Variants in DNAI7 observed in about 807,000 individuals in gnomAD.
DNAI7 encodes cancer susceptibility 1.
DNAI7 carries 78 observed loss-of-function variants against 86.6 expected under a neutral mutation model. That is an observed-to-expected ratio of 0.90 (90% CI 0.75 to 1.09). DNAI7 has a LOEUF of 1.09. Ranked by LOEUF, DNAI7 falls within the 50% of genes least tolerant of loss-of-function variation. The pLI is 0.00. For synonymous variants in DNAI7, 274 were observed against 273.0 expected (o/e 1.00, Z -0.04); for missense variants, 753 against 810.2 (o/e 0.93, Z 0.86).
intron 2 of DNAI7, among the ~76,000 whole-genome samples, chr12:25,182,137 T>C (rs1345752588): frequency 6.6e-6 from 1 of 151,136 alleles, no homozygotes; most frequent in Non-Finnish European, 1.5e-5. Flanking sequence ...CACCTGAGGT[T>C]GGGAGGTTGA....
chr12:25,190,701 G>T, intron 1 of DNAI7, 70 bp from the exon 2 acceptor site: 2 of 864,138 alleles, frequency 2.3e-6, no homozygotes, highest in South Asian at 2.1e-5. Flanking sequence ...TCATGATTAT[G>T]TAAGATGTTA....
At chr12:25,194,741 A>G (rs1950879925) in intron 1 of DNAI7, 3 of 746,446 alleles carry the variant, frequency 4.0e-6, no homozygotes, top group Admixed American at 5.7e-5. Context: ...CCAAGTTGCA[A>G]TAAGAAAATT....
intron 2 of DNAI7, among the ~76,000 whole-genome samples, chr12:25,172,696 C>A (rs1948269792): frequency 6.6e-6 from 1 of 152,112 alleles, no homozygotes; most frequent in Non-Finnish European, 1.5e-5. Flanking sequence ...TAGCTGATTT[C>A]AAACTATACT....
Position 25,108,687 on chromosome 12 carries a change from T to C in DNAI7, c.2030A>G (p.Glu677Gly), listed in dbSNP as rs1245251993. The C allele has an allele frequency of 8.1e-6, 13 of 1,613,598 alleles. No individual in the cohort carries two copies. The highest frequency in any genetic ancestry group is 1.7e-5 in the Admixed American group (1 of 59,964). Residue 677 changes from glutamate to glycine, a missense_variant, in exon 16 of 16, where the codon GAG becomes GGG. Glu to Gly is a moderately conservative substitution (Grantham distance 98). Transcript: ENST00000395987. The stretch of plus-strand genomic sequence containing the variant: ...CATGTGATATAAAGTAGAATGAAAC[T>C]CAGTTTCTTCTTTAAGTGCTTCAGA... ...AFSEALKEETEFHSTLYHMVK... is the reference protein window; with the variant it reads ...AFSEALKEETGFHSTLYHMVK...
intron 2 of DNAI7, among the ~76,000 whole-genome samples, chr12:25,172,465 A>C (rs992185801): frequency 6.6e-6 from 1 of 152,200 alleles, no homozygotes; most frequent in Admixed American, 6.5e-5. Context: ...ACACAAACAA[A>C]TGGAAACACA....
At position 25,119,177 on chromosome 12, in the gene DNAI7, T is replaced by C; in HGVS notation, c.1364A>G (p.Glu455Gly). Residue 455 changes from glutamate (E) to glycine (G), a missense_variant, in exon 12 of 16, where the codon GAG becomes GGG. Glu to Gly is a moderately conservative substitution (Grantham distance 98). Transcript: ENST00000395987. ...ATCCCACCTTACAACCACAGGATCC[T>C]CAAAAAAGATTACATTCTCATGAAC... ...LEVHENVIFFEDPVVVRWDAE... is the reference protein window; with the variant it reads ...LEVHENVIFFGDPVVVRWDAE... 6.2e-7 allele frequency: 1 copy of C among 1,610,248 alleles called. No homozygotes were observed. Among genetic ancestry groups the C allele is most frequent in the Non-Finnish European group, 8.5e-7 (1 of 1,178,952 alleles).
rs142277953 is a variant in DNAI7 at position 25,175,419 on chromosome 12, G to C, written c.22-14222C>G. Among the ~76,000 whole-genome samples the C allele has an allele frequency of 1.3e-3, 204 of 152,194 alleles. 1 individual carries two copies. The highest frequency in any genetic ancestry group is 4.8e-3 in the African/African-American group (198 of 41,538). ...ACTCTCGCTCTGTCATGCCAGGCTG[G>C]CACAATCTTGGCTCAGTGAAACCTC... On this transcript the variant is annotated intron_variant, in intron 2 of 15. Transcript: ENST00000395987.
chr12:25,121,003 TAATGCTGCTGGTTC>T (rs895246795), intron 11 of DNAI7, among the ~76,000 whole-genome samples: 1 of 152,368 alleles, frequency 6.6e-6, no homozygotes. Flanking sequence ...CAACTGACAC[TAATGCTGCTGGTTC>T]AATGCTGTTG....
At chr12:25,107,337 G>C (rs1336074819), downstream of DNAI7, among the ~76,000 whole-genome samples, 2 of 151,890 alleles carry the variant, frequency 1.3e-5, no homozygotes, top group Non-Finnish European at 2.9e-5. Context: ...TTTGTTATAG[G>C]CATGTATCCA....
chr12:25,153,431 T>TTAAA (rs142105233), intron 6 of DNAI7, among the ~76,000 whole-genome samples: 3 of 151,996 alleles, frequency 2.0e-5, no homozygotes, highest in Non-Finnish European at 2.9e-5. Context: ...AAAAAATTAA[T>TTAAA]TAAATAAATA....
At chr12:25,140,915 C>G (rs1414856414) in intron 9 of DNAI7, among the ~76,000 whole-genome samples, 1 of 152,158 alleles carries the variant, frequency 6.6e-6, no homozygotes, top group Non-Finnish European at 1.5e-5. Context: ...CAAATACTTA[C>G]AGTCAACTGA....
chr12:25,156,935 A>T (rs1443831537), intron 4 of DNAI7, among the ~76,000 whole-genome samples: 1 of 152,198 alleles, frequency 6.6e-6, no homozygotes, highest in East Asian at 1.9e-4. Flanking sequence ...AGATAGATCA[A>T]TGTTTTAAAA....
At chr12:25,170,574 G>A (rs917647914) in intron 2 of DNAI7, among the ~76,000 whole-genome samples, 1 of 152,098 alleles carries the variant, frequency 6.6e-6, no homozygotes, top group African/African-American at 2.4e-5. Flanking sequence ...AGGTCACCAA[G>A]ACAGAAAGTC....
At chr12:25,110,045 A>G (rs991188841) in intron 15 of DNAI7, 82 bp downstream of exon 15, 16 of 702,620 alleles carry the variant, frequency 2.3e-5, no homozygotes, top group Non-Finnish European at 3.5e-5. Context: ...AGGGGAAGCC[A>G]TGGTCTACAT....
At chr12:25,111,154 A>T (rs1938738470) in intron 14 of DNAI7, among the ~76,000 whole-genome samples, 1 of 152,194 alleles carries the variant, frequency 6.6e-6, no homozygotes, top group South Asian at 2.1e-4. Context: ...ACTTTTCATG[A>T]TTAGAAGTTA....
intron 1 of DNAI7, among the ~76,000 whole-genome samples, chr12:25,192,492 G>A (rs1950613888): frequency 1.3e-5 from 2 of 152,130 alleles, no homozygotes; most frequent in Non-Finnish European, 2.9e-5. Flanking sequence ...TTCCTACACT[G>A]TGGTTTAGTA....
At chr12:25,189,567 G>A (rs112923889) in intron 2 of DNAI7, among the ~76,000 whole-genome samples, 65 of 103,950 alleles carry the variant, frequency 6.3e-4, no homozygotes, top group Admixed American at 2.7e-3. Context: ...GCTTGAACCC[G>A]GAAGGTGGAA....
intron 9 of DNAI7, among the ~76,000 whole-genome samples, chr12:25,138,194 T>C (rs1255599772): frequency 6.6e-6 from 1 of 152,188 alleles, no homozygotes; most frequent in African/African-American, 2.4e-5. Flanking sequence ...CCAGGCACAG[T>C]GGCTCATACC....
chr12:25,112,584 T>G (rs1469278458), intron 13 of DNAI7, among the ~76,000 whole-genome samples: 1 of 151,944 alleles, frequency 6.6e-6, no homozygotes, highest in Non-Finnish European at 1.5e-5. Context: ...TTTTTTGTAT[T>G]TTTAGTAGAG....
Sources: allele counts gnomAD v4.1 joint callset (sites outside exome capture counted in the v4.1 genomes callset), GRCh38; gene constraint gnomAD v4.1.1; transcripts MANE v1.5; gene names NCBI Gene and HGNC (gene_info 2026-07-23, HGNC 2026-07-21).